Variants in TAS2R1 observed in about 807,000 individuals in gnomAD.
TAS2R1 encodes taste receptor type 2 member 1.
For missense variants in TAS2R1, 370 were observed against 353.4 expected (o/e 1.05, Z -0.38); for synonymous variants, 141 against 134.2 (o/e 1.05, Z -0.35).
intron 1 of TAS2R1, among the ~76,000 whole-genome samples, chr5:9,670,983 C>G (rs1005808805): frequency 2.0e-5 from 3 of 152,164 alleles, no homozygotes; most frequent in Non-Finnish European, 4.4e-5. Flanking sequence ...AAGGTTGGTT[C>G]AACTTATGTA....
At chr5:9,749,676 G>C in the TAS2R1 span, among the ~76,000 whole-genome samples, 1 of 152,178 alleles carries the variant, frequency 6.6e-6, no homozygotes, top group Non-Finnish European at 1.5e-5. Context: ...ACACAAACAA[G>C]AGAAAAATCA....
the TAS2R1 span, among the ~76,000 whole-genome samples, chr5:9,856,328 C>T: frequency 6.6e-6 from 1 of 152,004 alleles, no homozygotes; most frequent in Non-Finnish European, 1.5e-5. Flanking sequence ...GAGGTCAATG[C>T]CCAGGCTGTA....
the TAS2R1 span, among the ~76,000 whole-genome samples, chr5:9,836,211 C>A: frequency 6.6e-6 from 1 of 151,968 alleles, no homozygotes; most frequent in African/African-American, 2.4e-5. Flanking sequence ...CCATGTGGAA[C>A]TGTAAGTCCA....
the TAS2R1 span, among the ~76,000 whole-genome samples, chr5:9,872,302 T>C: frequency 6.6e-6 from 1 of 152,200 alleles, no homozygotes; most frequent in Non-Finnish European, 1.5e-5. Context: ...TTCTAGACTG[T>C]TATGATTGGC....
At chr5:9,708,074 C>G (rs538996856) in intron 1 of TAS2R1, among the ~76,000 whole-genome samples, 44 of 152,120 alleles carry the variant, frequency 2.9e-4, no homozygotes, top group African/African-American at 9.9e-4. Flanking sequence ...AGCTCCTGGC[C>G]GCATAGATCA....
the TAS2R1 span, among the ~76,000 whole-genome samples, chr5:9,788,879 T>C: frequency 6.6e-6 from 1 of 151,956 alleles, no homozygotes; most frequent in African/African-American, 2.4e-5. Context: ...TAAAATTAAG[T>C]GAAAAACAAA....
chr5:9,845,175 C>G, the TAS2R1 span, among the ~76,000 whole-genome samples: 1 of 151,974 alleles, frequency 6.6e-6, no homozygotes, highest in African/African-American at 2.4e-5. Context: ...GTTTAGTGCC[C>G]TTATAAGAAG....
At chr5:9,837,016 G>A in the TAS2R1 span, among the ~76,000 whole-genome samples, 2 of 152,152 alleles carry the variant, frequency 1.3e-5, no homozygotes, top group Admixed American at 1.3e-4. Flanking sequence ...TCTAACACGT[G>A]ACTGGTTGGC....
the TAS2R1 span, among the ~76,000 whole-genome samples, chr5:9,868,338 A>T: frequency 6.6e-6 from 1 of 152,228 alleles, no homozygotes; most frequent in Non-Finnish European, 1.5e-5. Context: ...TCTGAAATCT[A>T]GGTTCCGAAT....
At chr5:9,709,039 A>G (rs1388695109) in intron 1 of TAS2R1, among the ~76,000 whole-genome samples, 1 of 152,194 alleles carries the variant, frequency 6.6e-6, no homozygotes, top group African/African-American at 2.4e-5. Flanking sequence ...TCTTTCTTCC[A>G]TGGAGGGAGA....
the TAS2R1 span, among the ~76,000 whole-genome samples, chr5:9,891,955 G>T: frequency 6.6e-6 from 1 of 152,122 alleles, no homozygotes; most frequent in East Asian, 1.9e-4. Context: ...AGCTTCCCCA[G>T]GACCCCATGG....
the TAS2R1 span, among the ~76,000 whole-genome samples, chr5:9,823,141 T>C: frequency 4.6e-5 from 7 of 152,010 alleles, no homozygotes; most frequent in Admixed American, 1.3e-4. Flanking sequence ...TATAAAAGTA[T>C]ATTTTTCTGG....
the TAS2R1 span, among the ~76,000 whole-genome samples, chr5:9,772,746 T>C: frequency 1.3e-5 from 2 of 152,112 alleles, no homozygotes; most frequent in Admixed American, 6.5e-5. Flanking sequence ...TATTGTTATA[T>C]GATATCCTTT....
At position 9,694,041 on chromosome 5, in the gene TAS2R1, A is replaced by AT. The variant is rs377461434; in HGVS notation, c.-242+18130dup. ...TAGTTTTTCCCCTGAGAGATATCCA[A>AT]TTTTAACAAAGCTATTACTGGTCTA... is the stretch of plus-strand genomic sequence containing the variant. On this transcript the variant is annotated intron_variant, in intron 1 of 2. Transcript: ENST00000506620. Among the ~76,000 whole-genome samples the AT allele has an allele frequency of 1.9e-3, 283 of 152,348 alleles. 2 individuals are homozygous for AT. The highest frequency in any genetic ancestry group is 5.2e-3 in the African/African-American group (216 of 41,578).
At chr5:9,867,135 T>C in the TAS2R1 span, 10 of 152,224 alleles carry the variant, frequency 6.6e-5, no homozygotes, top group African/African-American at 2.4e-4. Context: ...GGAACTTACA[T>C]TTCAGGAGGG....
chr5:9,878,282 T>C, the TAS2R1 span, among the ~76,000 whole-genome samples: 1 of 152,216 alleles, frequency 6.6e-6, no homozygotes, highest in Non-Finnish European at 1.5e-5. Flanking sequence ...TCTGCCTTAG[T>C]GGAGTACCGT....
chr5:9,777,210 A>G, the TAS2R1 span, among the ~76,000 whole-genome samples: 1 of 152,226 alleles, frequency 6.6e-6, no homozygotes, highest in Non-Finnish European at 1.5e-5. Context: ...TGAAGCATGC[A>G]ATACTGTTTG....
the TAS2R1 span, among the ~76,000 whole-genome samples, chr5:9,744,688 A>T: frequency 0.021 from 3,234 of 152,290 alleles, 102 homozygotes; most frequent in African/African-American, 0.072. Context: ...CCCCAAAGAC[A>T]TCCACATCCT....
At chr5:9,690,630 G>A (rs1176801019) in intron 1 of TAS2R1, among the ~76,000 whole-genome samples, 2 of 151,980 alleles carry the variant, frequency 1.3e-5, no homozygotes, top group Admixed American at 1.3e-4. Context: ...AAAAAAGTGT[G>A]ACTTAATTTT....
Sources: allele counts gnomAD v4.1 joint callset (sites outside exome capture counted in the v4.1 genomes callset), GRCh38; gene constraint gnomAD v4.1.1; transcripts MANE v1.5; gene names NCBI Gene and HGNC (gene_info 2026-07-23, HGNC 2026-07-21).